Variants in VPS33A observed in about 807,000 individuals in gnomAD.
The protein encoded by VPS33A is vacuolar protein sorting-associated protein 33A.
VPS33A carries 32 observed loss-of-function variants against 71.8 expected under a neutral mutation model. The ratio of observed to expected loss-of-function variants is 0.45; its 90% confidence interval spans 0.34 to 0.60. The LOEUF (loss-of-function observed/expected upper bound fraction) is 0.60, where lower values mean the gene tolerates loss of function less well. Ranked by LOEUF, VPS33A falls within the 20% of genes least tolerant of loss-of-function variation. VPS33A has a pLI of 0.02. For missense variants in VPS33A, 625 were observed against 748.5 expected, an observed-to-expected ratio of 0.84 and a Z score of 1.92; for synonymous variants, 311 against 292.7, an observed-to-expected ratio of 1.06 and a Z score of -0.64.
At chr12:122,246,099 ACT>A (rs375301961) in intron 6 of VPS33A, among the ~76,000 whole-genome samples, 1 of 152,214 alleles carries the variant, frequency 6.6e-6, no homozygotes, top group Non-Finnish European at 1.5e-5. Context: ...AGCTGGTGTA[ACT>A]CTGCAGTAAA....
rs1954621814 is a variant in VPS33A at position 122,235,773 on chromosome 12, A to G, written c.1440+13T>C. 2 of 1,605,846 alleles carry G rather than the reference A, an allele frequency of 1.2e-6. No individual in the cohort carries two copies. The highest frequency in any genetic ancestry group is 3.4e-5 in the Admixed American group (2 of 59,200). On this transcript the variant is annotated intron_variant, in intron 11 of 12. Transcript: ENST00000267199. ...GTCCCTAAGCTGAGACGAGGTGGAG[A>G]AGTGTGGCTTACTTGCTCATTAACA... is the stretch of plus-strand genomic sequence containing the variant.
chr12:122,244,580 C>T lies in VPS33A; in HGVS notation c.958G>A (p.Ala320Thr), dbSNP rs1186952850. The change falls in exon 7 of 13, where the codon GCA (alanine) becomes ACA (threonine). Residue 320 changes from alanine to threonine, a missense_variant. Coordinates refer to ENST00000267199, the MANE Select transcript of VPS33A (RefSeq NM_022916.6). ...VLSKKAKIIS[A>T]AFEERHNAKT... Reference sequence around the variant, plus strand: ...AAAACTTGCCTCACCTCGAATGCTGCAGAGATGATCTTTGCTTTCTTGCTG... The same window carrying T: ...AAAACTTGCCTCACCTCGAATGCTGTAGAGATGATCTTTGCTTTCTTGCTG... The T allele has an allele frequency of 6.2e-7, 1 of 1,605,278 alleles. No individual in the cohort carries two copies. The highest frequency in any genetic ancestry group is 1.1e-5 in the South Asian group (1 of 90,842).
At chr12:122,246,936 G>A (rs1388223291) in intron 6 of VPS33A, among the ~76,000 whole-genome samples, 1 of 152,132 alleles carries the variant, frequency 6.6e-6, no homozygotes, top group East Asian at 1.9e-4. Flanking sequence ...ATTACAGTAT[G>A]CATACACTAG....
intron 11 of VPS33A, among the ~76,000 whole-genome samples, chr12:122,233,695 A>G (rs1954594308): frequency 6.6e-6 from 1 of 152,256 alleles, no homozygotes; most frequent in Non-Finnish European, 1.5e-5. Flanking sequence ...TGCATGTAAC[A>G]GTAAAGACTG....
At chr12:122,244,494 A>G (rs2136132076) in intron 7 of VPS33A, 75 bp downstream of exon 7, 1 of 1,301,662 alleles carries the variant, frequency 7.7e-7, no homozygotes, top group East Asian at 2.4e-5. Context: ...ATATTTTTGG[A>G]GCTCTTATTC....
At chr12:122,233,048 A>G in intron 11 of VPS33A, 80 bp from the exon 12 acceptor site, 1 of 1,388,288 alleles carries the variant, frequency 7.2e-7, no homozygotes. Context: ...GGGTAATCCA[A>G]AATTATTTGA....
In VPS33A at chr12:122,260,090, C is replaced by T. The variant is rs370308259; in HGVS notation, c.483+1171G>A. Among the ~76,000 whole-genome samples, 50 of 152,078 alleles carry T rather than the reference C, an allele frequency of 3.3e-4. No individual in the cohort carries two copies. In the South Asian group the frequency reaches 1.0e-2, roughly 30 times the overall value. The stretch of plus-strand genomic sequence containing the variant: ...TCCAGAATAAGCGAATTCATACAGA[C>T]TGAACTAGATTAGTGGCTGCCAGAG... On this transcript the variant is annotated intron_variant, in intron 4 of 12. Coordinates refer to ENST00000267199, the MANE Select transcript of VPS33A (RefSeq NM_022916.6).
At chr12:122,250,427 T>C (rs141390090) in intron 5 of VPS33A, among the ~76,000 whole-genome samples, 1 of 152,256 alleles carries the variant, frequency 6.6e-6, no homozygotes, top group East Asian at 1.9e-4. Context: ...CGTAACCCAG[T>C]TTTATATGTG....
intron 4 of VPS33A, among the ~76,000 whole-genome samples, chr12:122,258,632 T>C (rs1954949279): frequency 1.3e-5 from 2 of 151,894 alleles, no homozygotes; most frequent in Admixed American, 6.6e-5. Flanking sequence ...ATTATGGAAA[T>C]GCAAATAAAA....
intron 8 of VPS33A, 40 bp from the exon 9 acceptor site, chr12:122,239,985 TG>T: frequency 3.4e-6 from 5 of 1,463,012 alleles, no homozygotes; most frequent in Non-Finnish European, 4.8e-6. Context: ...AGAAATTAAA[TG>T]TTAATTTACT....
At position 122,251,732 on chromosome 12, in the gene VPS33A, C is replaced by T. The variant is rs186734092; in HGVS notation, c.484-633G>A. On this transcript the variant is annotated intron_variant, in intron 4 of 12. Coordinates refer to ENST00000267199, the MANE Select transcript of VPS33A (RefSeq NM_022916.6). The stretch of plus-strand genomic sequence containing the variant: ...AGGTGGGAATTGAACAATGAGAACA[C>T]TTGGACACAGGAAGGGGAACATCAC... 3.9e-3 allele frequency among the ~76,000 whole-genome samples: 593 copies of T among 151,742 alleles called. 5 individuals carry two copies. Among genetic ancestry groups the T allele is most frequent in the African/African-American group, 0.013 (558 of 41,344 alleles).
In VPS33A at chr12:122,230,099, AT is replaced by A. The variant is rs1004637028; in HGVS notation, c.*2146del. On this transcript the variant is annotated 3_prime_UTR_variant, in exon 13 of 13. Transcript: ENST00000267199. ...GGATATAACAAGTATTTAAAAAAGGATTTTCTACAATGAAAATGGTTTTCTT... is the reference window on the plus strand; with the variant it reads ...GGATATAACAAGTATTTAAAAAAGGATTTCTACAATGAAAATGGTTTTCTT... 1.3e-5 allele frequency: 2 copies of A among 152,214 alleles called. No individual in the cohort carries two copies. Among genetic ancestry groups the A allele is most frequent in the African/African-American group, 4.8e-5 (2 of 41,460 alleles). The allele number at this position is 152,214 out of a possible 1,614,324, so 9.4% of individuals were successfully genotyped here.
rs776530653 is a variant in VPS33A, at chr12:122,242,436, T to G, written c.1042A>C (p.Arg348=). Residue 348 remains arginine, a synonymous_variant, in exon 8 of 13, where the codon AGG becomes CGG. Coordinates refer to ENST00000267199, the MANE Select transcript of VPS33A (RefSeq NM_022916.6). ...GAGGTATGGTTTGCAAGCGAGCCCC[T>G]TGCTGCCTGCATGTGGGGCAACTGG... ...VSQLPHMQAA[R]GSLANHTSIA... is the part of the protein sequence containing the mutation. 1 of 1,614,154 alleles carries G rather than the reference T, an allele frequency of 6.2e-7. No individual in the cohort carries two copies. Among genetic ancestry groups the G allele is most frequent in the South Asian group, 1.1e-5 (1 of 91,086 alleles).
intron 11 of VPS33A, among the ~76,000 whole-genome samples, chr12:122,233,732 C>T (rs1954594950): frequency 6.6e-6 from 1 of 152,152 alleles, no homozygotes; most frequent in African/African-American, 2.4e-5. Flanking sequence ...CTATCAATAG[C>T]AATCTGTTAA....
At chr12:122,247,333 C>T (rs1299105232) in intron 6 of VPS33A, among the ~76,000 whole-genome samples, 1 of 151,996 alleles carries the variant, frequency 6.6e-6, no homozygotes. Context: ...TCTCCCCCCA[C>T]CATTCCCCAT....
intron 10 of VPS33A, among the ~76,000 whole-genome samples, chr12:122,236,874 T>C (rs1954635444): frequency 6.6e-6 from 1 of 152,134 alleles, no homozygotes; most frequent in South Asian, 2.1e-4. Context: ...AGTCTGTGTA[T>C]GGAAACATTC....
chr12:122,260,360 C>T (rs1301624489), intron 4 of VPS33A, among the ~76,000 whole-genome samples: 3 of 151,070 alleles, frequency 2.0e-5, no homozygotes, highest in South Asian at 2.1e-4. Flanking sequence ...AGTGCAGTGG[C>T]GCAATCTCGG....
rs749336378 is a variant in VPS33A, at chr12:122,244,708, C to A, written c.830G>T (p.Gly277Val). The A allele has an allele frequency of 1.2e-6, 2 of 1,614,116 alleles. No individual in the cohort carries two copies. The highest frequency in any genetic ancestry group is 1.7e-5 in the Admixed American group (1 of 60,018). ...CTTTGCTTCCGTGGGGAGGTCCTTA[C>A]CACCATCGCCCTGTTTCTTAGGTGC... ...KFAPKKQGDG[G>V]KDLPTEAKKL... Residue 277 changes from glycine to valine, a missense_variant, in exon 7 of 13, where the codon GGT becomes GTT. Physicochemically the swap from Gly to Val is moderately radical, Grantham distance 109 (BLOSUM62 -3). Coordinates refer to ENST00000267199, the MANE Select transcript of VPS33A (RefSeq NM_022916.6).
chr12:122,264,432 C>A (rs1354311208), intron 1 of VPS33A, among the ~76,000 whole-genome samples: 1 of 151,968 alleles, frequency 6.6e-6, no homozygotes, highest in Middle Eastern at 3.2e-3. Context: ...GCTGTGTTGC[C>A]CAGGCTAGCG....
Sources: allele counts gnomAD v4.1 joint callset (sites outside exome capture counted in the v4.1 genomes callset), GRCh38; gene constraint gnomAD v4.1.1; transcripts MANE v1.5; gene names NCBI Gene and HGNC (gene_info 2026-07-23, HGNC 2026-07-21).